Variants in ARHGEF7 observed in about 807,000 individuals in gnomAD.
ARHGEF7 encodes the protein Rho guanine nucleotide exchange factor 7.
A neutral mutation model predicts 109.8 loss-of-function variants in ARHGEF7; 33 were observed. The ratio of observed to expected loss-of-function variants is 0.30; its 90% CI spans 0.23 to 0.40. The LOEUF (loss-of-function observed/expected upper bound fraction) is 0.40. Among genes scored for constraint, ARHGEF7 ranks in the 10% least tolerant of loss-of-function variants. The pLI is 1.00. For synonymous variants in ARHGEF7, 458 were observed against 424.6 expected, an observed-to-expected ratio of 1.08 and a Z score of -0.97; for missense variants, 938 against 1,098.5, an observed-to-expected ratio of 0.85 and a Z score of 2.07.
At chr13:111,157,215 TTTAA>T (rs1463776115) in intron 2 of ARHGEF7, among the ~76,000 whole-genome samples, 2 of 152,146 alleles carry the variant, frequency 1.3e-5, no homozygotes, top group African/African-American at 4.8e-5. Context: ...ATTAAAAAAA[TTTAA>T]TTACTGTTGG....
chr13:111,245,380 G>C (rs1250965294), intron 8 of ARHGEF7, among the ~76,000 whole-genome samples: 1 of 152,072 alleles, frequency 6.6e-6, no homozygotes, highest in Non-Finnish European at 1.5e-5. Flanking sequence ...ATTGAGAAAT[G>C]GTTCATTGTT....
intron 1 of ARHGEF7, among the ~76,000 whole-genome samples, chr13:111,150,701 C>T (rs1183212879): frequency 1.3e-5 from 2 of 152,088 alleles, no homozygotes; most frequent in Admixed American, 6.5e-5. Flanking sequence ...TCCTTGTTGG[C>T]GTCAAGAGCC....
At chr13:111,215,043 C>T (rs2082948213) in intron 4 of ARHGEF7, among the ~76,000 whole-genome samples, 1 of 151,802 alleles carries the variant, frequency 6.6e-6, no homozygotes, top group Admixed American at 6.6e-5. Flanking sequence ...GTAGGGACGG[C>T]CACTTTTAAT....
intron 1 of ARHGEF7, among the ~76,000 whole-genome samples, chr13:111,146,488 C>G (rs1417560064): frequency 2.6e-5 from 4 of 152,182 alleles, no homozygotes; most frequent in African/African-American, 9.7e-5. Flanking sequence ...CACACTGACG[C>G]TAGGCTCCTG....
intron 1 of ARHGEF7, among the ~76,000 whole-genome samples, chr13:111,127,531 C>A (rs2067650034): frequency 6.6e-6 from 1 of 151,216 alleles, no homozygotes; most frequent in African/African-American, 2.4e-5. Flanking sequence ...CCTCTGGTCC[C>A]AGCTACTTAG....
intron 2 of ARHGEF7, among the ~76,000 whole-genome samples, chr13:111,172,969 C>T (rs1255145584): frequency 6.6e-6 from 1 of 152,196 alleles, no homozygotes; most frequent in Non-Finnish European, 1.5e-5. Flanking sequence ...TGGTCCCAAG[C>T]ATTTCAGATG....
At chr13:111,298,458 C>T (rs1448534488) in intron 19 of ARHGEF7, among the ~76,000 whole-genome samples, 2 of 152,122 alleles carry the variant, frequency 1.3e-5, no homozygotes, top group African/African-American at 4.8e-5. Flanking sequence ...CACCAGAAGG[C>T]AGCCCAGGGC....
intron 1 of ARHGEF7, chr13:111,143,853 T>G (rs1376132541): frequency 6.6e-6 from 1 of 152,250 alleles, no homozygotes; most frequent in Non-Finnish European, 1.5e-5. Context: ...CATTCAACAA[T>G]TAAGATACAA....
intron 20 of ARHGEF7, 91 bp downstream of exon 20, chr13:111,300,938 C>T (rs543176739): frequency 2.9e-6 from 2 of 694,310 alleles, no homozygotes; most frequent in Non-Finnish European, 4.7e-6. Context: ...GGGGGTATGG[C>T]TTCAGAAGCT....
At chr13:111,190,950 T>C (rs762295391) in intron 2 of ARHGEF7, among the ~76,000 whole-genome samples, 3 of 152,146 alleles carry the variant, frequency 2.0e-5, no homozygotes, top group Non-Finnish European at 4.4e-5. Context: ...GCAAACTGAG[T>C]GGCTCCCTGT....
intron 2 of ARHGEF7, among the ~76,000 whole-genome samples, chr13:111,181,878 G>A (rs564223156): frequency 9.8e-5 from 15 of 152,332 alleles, no homozygotes; most frequent in Admixed American, 3.3e-4. Context: ...CATCATGCAG[G>A]TAATGCTGCT....
At chr13:111,126,891 G>A (rs774514019) in intron 1 of ARHGEF7, among the ~76,000 whole-genome samples, 1 of 152,024 alleles carries the variant, frequency 6.6e-6, no homozygotes, top group Non-Finnish European at 1.5e-5. Context: ...AGAAAAATAA[G>A]GGCAAATTAA....
intron 2 of ARHGEF7, among the ~76,000 whole-genome samples, chr13:111,183,670 C>T (rs2078975806): frequency 6.6e-6 from 1 of 152,214 alleles, no homozygotes; most frequent in Non-Finnish European, 1.5e-5. Context: ...CATTTCTTCT[C>T]TTCCCCATTA....
intron 21 of ARHGEF7, among the ~76,000 whole-genome samples, chr13:111,302,586 G>A (rs147987142): frequency 5.4e-4 from 82 of 152,306 alleles, no homozygotes; most frequent in Middle Eastern, 3.4e-3. Context: ...GCACAGAGCA[G>A]GTGCTCGCCC....
chr13:111,290,523 C>T (rs1165596500), intron 18 of ARHGEF7, among the ~76,000 whole-genome samples: 1 of 152,178 alleles, frequency 6.6e-6, no homozygotes, highest in African/African-American at 2.4e-5. Context: ...AACCAATCCC[C>T]TGTGGGTGAG....
chr13:111,266,905 T>TA lies in ARHGEF7; in HGVS notation c.951-642dup, dbSNP rs2091693995. 1 of 455,914 alleles carries TA rather than the reference T, an allele frequency of 2.2e-6. No homozygotes were observed. The highest frequency in any genetic ancestry group is 2.3e-5 in the Admixed American group (1 of 42,564). The allele number at this position is 455,914 out of a possible 1,614,324, so 28.2% of individuals were successfully genotyped here. Reference sequence around the variant, plus strand: ...CTGGAGAGGTGAGCGTGTACCCCGTTAGGCACACCCAACACTGAGGCGGCA... The same window carrying TA: ...CTGGAGAGGTGAGCGTGTACCCCGTTAAGGCACACCCAACACTGAGGCGGCA... On this transcript the variant is annotated intron_variant, in intron 8 of 21. Coordinates refer to ENST00000646102, the MANE Select transcript of ARHGEF7 (RefSeq NM_001354046.2). The surrounding 1 kb of genome is among the most constrained non-coding windows in gnomAD (Gnocchi z 4.8).
chr13:111,247,946 C>T (rs1204011050), intron 8 of ARHGEF7, among the ~76,000 whole-genome samples: 3 of 152,146 alleles, frequency 2.0e-5, no homozygotes, highest in East Asian at 1.9e-4. Flanking sequence ...ATTCCCTGTG[C>T]GTTCTGAGGC....
intron 8 of ARHGEF7, among the ~76,000 whole-genome samples, chr13:111,260,150 G>A (rs1566989336): frequency 6.6e-6 from 1 of 152,178 alleles, no homozygotes; most frequent in Non-Finnish European, 1.5e-5. Flanking sequence ...AGGAGTTATT[G>A]GCCTTAAGGA....
chr13:111,139,018 G>A (rs796549168), intron 1 of ARHGEF7, among the ~76,000 whole-genome samples: 20 of 152,256 alleles, frequency 1.3e-4, no homozygotes, highest in African/African-American at 4.8e-4. Context: ...AGCAATGACA[G>A]GTTCTCTGGA....
Sources: gnomAD v4.1 joint callset for allele counts (sites outside exome capture counted in the v4.1 genomes callset) on GRCh38, gnomAD v4.1.1 for gene constraint, Gnocchi (gnomAD v3.1) non-coding constraint, MANE v1.5 for transcripts, NCBI Gene and HGNC (gene_info 2026-07-23, HGNC 2026-07-21) for gene names.